Variants in PCBP2 observed in about 807,000 individuals in gnomAD.
PCBP2 encodes poly(rC) binding protein 2.
Under a neutral mutation model 50.1 loss-of-function variants are expected in PCBP2, and 4 were observed. That is an observed-to-expected ratio of 0.08 (90% CI 0.04 to 0.18). The LOEUF is 0.18. PCBP2 is among the 10% of genes least tolerant of loss of function. PCBP2 has a pLI of 1.00. For missense variants in PCBP2, 161 were observed against 474.3 expected (o/e 0.34, Z 6.14); for synonymous variants, 179 against 168.0 (o/e 1.07, Z -0.51).
chr12:53,467,180 G>C (rs377205987), intron 10 of PCBP2, 41 bp from the exon 11 acceptor site: 2 of 1,541,712 alleles, frequency 1.3e-6, no homozygotes, highest in Admixed American at 1.7e-5. Flanking sequence ...CCCTGGCTCT[G>C]TTAAATCTTC....
At chr12:53,474,233 C>G (rs768139862) in intron 14 of PCBP2, among the ~76,000 whole-genome samples, 1 of 152,196 alleles carries the variant, frequency 6.6e-6, no homozygotes, top group Non-Finnish European at 1.5e-5. Context: ...ACCAGAAAAG[C>G]TTCCCTAGTT....
chr12:53,455,879 A>G lies in PCBP2; in HGVS notation c.127-6A>G, dbSNP rs376645223. On this transcript the variant is annotated splice_polypyrimidine_tract_variant and splice_region_variant and intron_variant, in intron 4 of 14. Transcript: ENST00000546463. ...TAACTTCTTTTGGATCTTGTTTCCT[A>G]TCTAGAGTGGTGCACGTATCAACAT... 1.8e-5 allele frequency: 28 copies of G among 1,578,528 alleles called. No homozygotes were observed. The highest frequency in any genetic ancestry group is 2.3e-5 in the Non-Finnish European group (26 of 1,147,812).
Position 53,481,133 on chromosome 12 carries a change from ATAT to A in PCBP2, c.*1692_*1694del. On this transcript the variant is annotated 3_prime_UTR_variant, in exon 15 of 15. Coordinates refer to ENST00000546463, the MANE Select transcript of PCBP2 (RefSeq NM_031989.5). ...CATATATATATATATATGTATATAT[ATAT>A]AATTTATATAAATATTTCTCTATGT... The A allele has an allele frequency of 1.4e-6, 1 of 716,696 alleles. No homozygotes were observed. Among genetic ancestry groups the A allele is most frequent in the Non-Finnish European group, 1.9e-6 (1 of 530,696 alleles). 44.4% of individuals were successfully genotyped at this position (716,696 alleles called of 1,614,324 possible). A position where few individuals can be genotyped will look rare whatever the true frequency, so the allele number is the denominator to read the frequency against.
intron 14 of PCBP2, 117 bp downstream of exon 14, chr12:53,471,924 GTT>G (rs377649740): frequency 7.2e-3 from 3,095 of 430,184 alleles, no homozygotes; most frequent in Middle Eastern, 0.013. Context: ...TGGCCAAAAG[GTT>G]TTTTTTTTTT....
At chr12:53,471,413 A>G (rs1431552321) in intron 13 of PCBP2, among the ~76,000 whole-genome samples, 1 of 151,980 alleles carries the variant, frequency 6.6e-6, no homozygotes, top group East Asian at 1.9e-4. Flanking sequence ...CCCCGTCTCT[A>G]CTAAAAATAC....
intron 5 of PCBP2, 123 bp from the exon 6 acceptor site, chr12:53,459,149 A>G (rs1475177326): frequency 2.7e-5 from 19 of 693,602 alleles, no homozygotes; most frequent in South Asian, 3.8e-5. Context: ...CCTTTTGTCT[A>G]TGGTGGATTA....
rs5798266 is a variant in PCBP2, at chr12:53,468,917, C to CTTTTTTTTTTTTTTTTTTTTTTTT, written c.882+104_882+105insTTTTTTTTTTTTTTTTTTTTTTTT. ...GTCGTTTCAGCAGTGTCCTGCTACC[C>CTTTTTTTTTTTTTTTTTTTTTTTT]TTTTTTTTTTTTTTTTTTTAAACAG... On this transcript the variant is annotated intron_variant, in intron 13 of 14. Coordinates refer to ENST00000546463, the MANE Select transcript of PCBP2 (RefSeq NM_031989.5). 8.7e-6 allele frequency: 5 copies of CTTTTTTTTTTTTTTTTTTTTTTTT among 574,552 alleles called. No homozygotes were observed. In the African/African-American group the frequency reaches 1.1e-4, roughly 13 times the overall value. The allele number at this position is 574,552 out of a possible 1,614,324, so 35.6% of individuals were successfully genotyped here.
At chr12:53,479,258 A>G (rs1163500119) in intron 14 of PCBP2, 148 bp from the exon 15 acceptor site, 5 of 692,244 alleles carry the variant, frequency 7.2e-6, no homozygotes, top group Non-Finnish European at 2.6e-6. Context: ...TTAAAGGATC[A>G]TGGTACTGGT....
chr12:53,475,253 T>C (rs748932632), intron 14 of PCBP2: 10 of 426,962 alleles, frequency 2.3e-5, no homozygotes, highest in Admixed American at 1.8e-4. Flanking sequence ...AGTATTATTT[T>C]GTTCATTTTG....
chr12:53,479,049 G>A (rs994188730), intron 14 of PCBP2, among the ~76,000 whole-genome samples: 2 of 152,054 alleles, frequency 1.3e-5, no homozygotes, highest in African/African-American at 4.8e-5. Context: ...GAGCCAAAGT[G>A]AGCTCAGCAA....
At chr12:53,456,256 C>T (rs1159276651) in intron 5 of PCBP2, among the ~76,000 whole-genome samples, 2 of 151,978 alleles carry the variant, frequency 1.3e-5, no homozygotes, top group Non-Finnish European at 2.9e-5. Flanking sequence ...TAAACGAGGT[C>T]AGGAGTTCGA....
At chr12:53,455,279 TA>T (rs1437393920) in intron 2 of PCBP2, 67 bp from the exon 3 acceptor site, 24 of 1,445,206 alleles carry the variant, frequency 1.7e-5, no homozygotes, top group Middle Eastern at 4.7e-4. Context: ...AAAGGAAAAA[TA>T]AAATATATTT....
chr12:53,465,807 A>G (rs750295353), intron 9 of PCBP2, 125 bp from the exon 10 acceptor site: 13 of 741,260 alleles, frequency 1.8e-5, no homozygotes, highest in East Asian at 2.5e-5. Context: ...TACTGCCTCA[A>G]TCTCTGGCCT....
In PCBP2 at chr12:53,479,468, CT is replaced by C. The variant is rs1375883867; in HGVS notation, c.*29del. 6.2e-7 allele frequency: 1 copy of C among 1,606,572 alleles called. No individual in the cohort carries two copies. The highest frequency in any genetic ancestry group is 1.7e-5 in the Admixed American group (1 of 60,000). ...AACAATGCAGATTCATCCATAATCC[CT>C]TTCTGCTGTTCACCACCACCCATGA... On this transcript the variant is annotated 3_prime_UTR_variant, in exon 15 of 15. Transcript: ENST00000546463.
chr12:53,460,912 G>T, intron 6 of PCBP2, 103 bp from the exon 7 acceptor site: 3 of 1,260,958 alleles, frequency 2.4e-6, no homozygotes, highest in South Asian at 1.3e-5. Context: ...GATTGGAAAT[G>T]GATAAATATC....
Position 53,452,176 on chromosome 12 carries a change from CG to C in PCBP2, c.-275del, listed in dbSNP as rs1427166884. 7.2e-6 allele frequency: 1 copy of C among 138,940 alleles called. No homozygotes were observed. The highest frequency in any genetic ancestry group is 1.6e-5 in the Non-Finnish European group (1 of 62,786). 8.6% of individuals were successfully genotyped at this position (138,940 alleles called of 1,614,324 possible). A position where few individuals can be genotyped will look rare whatever the true frequency, so the allele number is the denominator to read the frequency against. ...CCCGCCCGCCCGCCCTCCGCCCGCC[CG>C]CCCGCCCTCCGCCGCCCTCCACCCG... On this transcript the variant is annotated 5_prime_UTR_variant, in exon 1 of 15. Coordinates refer to ENST00000546463, the MANE Select transcript of PCBP2 (RefSeq NM_031989.5).
chr12:53,454,535 C>T, intron 1 of PCBP2, 191 bp from the exon 2 acceptor site: 1 of 411,438 alleles, frequency 2.4e-6, no homozygotes, highest in East Asian at 4.8e-5. Context: ...TGGAAAGTTG[C>T]CTTCTATACT....
chr12:53,465,837 C>A, intron 9 of PCBP2, 95 bp from the exon 10 acceptor site: 1 of 947,470 alleles, frequency 1.1e-6, no homozygotes, highest in Non-Finnish European at 1.7e-6. Flanking sequence ...TCTAGTTCAA[C>A]TCTGGCTTCC....
intron 14 of PCBP2, among the ~76,000 whole-genome samples, chr12:53,478,640 CTAA>C (rs1435051429): frequency 1.3e-5 from 2 of 152,246 alleles, no homozygotes; most frequent in South Asian, 2.1e-4. Flanking sequence ...CCCGTCTCTA[CTAA>C]TAATAGAAAA....
Sources: gnomAD v4.1 joint callset for allele counts (sites outside exome capture counted in the v4.1 genomes callset) on GRCh38, gnomAD v4.1.1 for gene constraint, MANE v1.5 for transcripts, NCBI Gene and HGNC (gene_info 2026-07-23, HGNC 2026-07-21) for gene names.